TMED5: variants seen among roughly 807,000 people sequenced by gnomAD.
The protein encoded by TMED5 is transmembrane emp24 domain-containing protein 5.
TMED5 carries 27 observed loss-of-function variants against 23.0 expected under a neutral mutation model. The ratio of observed to expected loss-of-function variants is 1.17; its 90% CI spans 0.86 to 1.62. TMED5 has a LOEUF of 1.62. TMED5 is among the 40% of genes most tolerant of loss of function. The pLI, the probability that TMED5 is intolerant of heterozygous loss-of-function variation, is 0.00. For synonymous variants in TMED5, 97 were observed against 100.8 expected, an observed-to-expected ratio of 0.96 and a Z score of 0.23; for missense variants, 248 against 273.7, an observed-to-expected ratio of 0.91 and a Z score of 0.66.
chr1:93,179,961 G>A, intron 1 of TMED5, 93 bp downstream of exon 1: 1 of 1,369,774 alleles, frequency 7.3e-7, no homozygotes, highest in Non-Finnish European at 9.9e-7. Flanking sequence ...TTCACCACCA[G>A]GGCCGTCCAC....
Position 93,152,145 on chromosome 1 carries a change from C to G in TMED5, c.*2525G>C, listed in dbSNP as rs1381017817. 6.6e-6 allele frequency: 1 copy of G among 152,550 alleles called. No individual in the cohort carries two copies. The highest frequency in any genetic ancestry group is 3.2e-3 in the Middle Eastern group (1 of 316). The allele number at this position is 152,550 out of a possible 1,614,324, so 9.4% of individuals were successfully genotyped here. On this transcript the variant is annotated 3_prime_UTR_variant, in exon 4 of 4. Coordinates refer to ENST00000370282, the MANE Select transcript of TMED5 (RefSeq NM_016040.5). ...CAAACACCCTCCATGTCTTGACATT[C>G]ACATGAAAGAACAGCATAACATTAA...
rs1647988599 is a variant in TMED5 at position 93,154,618 on chromosome 1, T to G, written c.*52A>C. 7.7e-7 allele frequency: 1 copy of G among 1,299,636 alleles called. No homozygotes were observed. The highest frequency in any genetic ancestry group is 1.2e-5 in the South Asian group (1 of 82,252). The allele number at this position is 1,299,636 out of a possible 1,614,324, so 80.5% of individuals were successfully genotyped here. Reference sequence around the variant, plus strand: ...ATTAATGGTCTTGACTGTAACAGTTTATTGCATTTTTATGCCTCATTTTTC... The same window carrying G: ...ATTAATGGTCTTGACTGTAACAGTTGATTGCATTTTTATGCCTCATTTTTC... On this transcript the variant is annotated 3_prime_UTR_variant, in exon 4 of 4. Coordinates refer to ENST00000370282, the MANE Select transcript of TMED5 (RefSeq NM_016040.5).
intron 1 of TMED5, among the ~76,000 whole-genome samples, chr1:93,171,596 C>A (rs1648736799): frequency 2.0e-5 from 3 of 152,136 alleles, no homozygotes. Context: ...AGGACCAGGA[C>A]CAGACAGTTT....
chr1:93,166,295 TG>T (rs1306953540), intron 1 of TMED5, among the ~76,000 whole-genome samples: 3 of 152,248 alleles, frequency 2.0e-5, no homozygotes, highest in African/African-American at 7.2e-5. Context: ...GTGGGATTGC[TG>T]GACTATATGG....
chr1:93,176,449 A>G (rs987839380), intron 1 of TMED5, among the ~76,000 whole-genome samples: 11 of 152,178 alleles, frequency 7.2e-5, no homozygotes, highest in African/African-American at 2.6e-4. Flanking sequence ...AAATATTTTG[A>G]CATGTATTTG....
chr1:93,165,879 C>A (rs1648485102), intron 1 of TMED5, among the ~76,000 whole-genome samples: 1 of 152,170 alleles, frequency 6.6e-6, no homozygotes, highest in African/African-American at 2.4e-5. Flanking sequence ...ACCCAATAAC[C>A]ATCTCCACAC....
In TMED5 at chr1:93,150,929, AAAACAG is replaced by A. The variant is rs1647851319; in HGVS notation, c.*3735_*3740del. 1 of 152,230 alleles carries A rather than the reference AAAACAG, an allele frequency of 6.6e-6. No individual in the cohort carries two copies. The highest frequency in any genetic ancestry group is 6.5e-5 in the Admixed American group (1 of 15,282). 9.4% of individuals were successfully genotyped at this position (152,230 alleles called of 1,614,324 possible). A position where few individuals can be genotyped will look rare whatever the true frequency, so the allele number is the denominator to read the frequency against. On this transcript the variant is annotated 3_prime_UTR_variant, in exon 4 of 4. Coordinates refer to ENST00000370282, the MANE Select transcript of TMED5 (RefSeq NM_016040.5). ...GCACAATAATAAATCTAAGCTTGTT[AAAACAG>A]AAACAAAAACAACACAAGTACTAAA... is the stretch of plus-strand genomic sequence containing the variant.
rs1649279549 is a variant in TMED5 at position 93,180,169 on chromosome 1, GC to G, written c.73del (p.Ala25ArgfsTer30). 1 of 1,613,090 alleles carries G rather than the reference GC, an allele frequency of 6.2e-7. No individual in the cohort carries two copies. On this transcript the variant is annotated frameshift_variant, in exon 1 of 4. Coordinates refer to ENST00000370282, the MANE Select transcript of TMED5 (RefSeq NM_016040.5). LOFTEE classifies it high-confidence loss of function. ...AALPPVLLPG[A>X]AGFTPSLDSD... ...ATCGAGGGAAGGTGTGAAGCCGGCC[GC>G]CCCAGGCAGCAGCACCGGAGGCAGA...
At chr1:93,156,236 C>A (rs748683858) in intron 3 of TMED5, 64 bp downstream of exon 3, 4 of 1,436,528 alleles carry the variant, frequency 2.8e-6, no homozygotes, top group African/African-American at 1.4e-5. Context: ...AGTTCAGTAA[C>A]TTATTACCAT....
intron 1 of TMED5, 114 bp downstream of exon 1, chr1:93,179,940 G>T: frequency 1.7e-6 from 2 of 1,193,266 alleles, no homozygotes; most frequent in Non-Finnish European, 2.3e-6. Context: ...TTCCTGAACG[G>T]CCCTCGCCTC....
At chr1:93,165,716 ACT>A (rs1417197986) in intron 1 of TMED5, among the ~76,000 whole-genome samples, 1 of 152,174 alleles carries the variant, frequency 6.6e-6, no homozygotes, top group African/African-American at 2.4e-5. Context: ...ATCCAGTTAT[ACT>A]CTTTTAGTTA....
intron 2 of TMED5, 130 bp downstream of exon 2, chr1:93,159,999 T>G: frequency 1.8e-6 from 1 of 563,898 alleles, no homozygotes; most frequent in Non-Finnish European, 3.2e-6. Flanking sequence ...CACACTATCA[T>G]GAACTGTTTT....
chr1:93,155,381 A>G (rs930154420), intron 3 of TMED5, among the ~76,000 whole-genome samples: 3 of 152,208 alleles, frequency 2.0e-5, no homozygotes, highest in African/African-American at 7.2e-5. Context: ...TGACATATTT[A>G]TATTGTTTAT....
intron 1 of TMED5, among the ~76,000 whole-genome samples, chr1:93,170,967 G>A (rs1482711235): frequency 2.0e-5 from 3 of 151,968 alleles, no homozygotes; most frequent in Non-Finnish European, 2.9e-5. Context: ...GGCCAGATAA[G>A]AGAATTAAAG....
chr1:93,166,954 G>A (rs942462942), intron 1 of TMED5, among the ~76,000 whole-genome samples: 1 of 152,144 alleles, frequency 6.6e-6, no homozygotes, highest in African/African-American at 2.4e-5. Context: ...GTGAGAGGTA[G>A]AGATCTAGTT....
chr1:93,171,726 T>C (rs1210009275), intron 1 of TMED5, among the ~76,000 whole-genome samples: 3 of 152,208 alleles, frequency 2.0e-5, no homozygotes, highest in Non-Finnish European at 2.9e-5. Flanking sequence ...AACATTACCC[T>C]AATTCTAAAA....
rs1647899929 is a variant in TMED5, at chr1:93,152,085, T to C, written c.*2585A>G. ...TTTTTTGTCAATTTTAAGACACCAT[T>C]ATGTGTAAGAAGGATTAATTTTACC... On this transcript the variant is annotated 3_prime_UTR_variant, in exon 4 of 4. Transcript: ENST00000370282. The C allele has an allele frequency of 6.6e-6, 1 of 152,612 alleles. No homozygotes were observed. The highest frequency in any genetic ancestry group is 2.1e-4 in the South Asian group (1 of 4,834). The allele number at this position is 152,612 out of a possible 1,614,324, so 9.5% of individuals were successfully genotyped here.
At position 93,153,573 on chromosome 1, in the gene TMED5, A is replaced by G. The variant is rs911716246; in HGVS notation, c.*1097T>C. Reference sequence around the variant, plus strand: ...TGATTTATGTTATGAGTAGGATGTCATGATGAGCCAGTCAGATTCTAGATA... The same window carrying G: ...TGATTTATGTTATGAGTAGGATGTCGTGATGAGCCAGTCAGATTCTAGATA... On this transcript the variant is annotated 3_prime_UTR_variant, in exon 4 of 4. Coordinates refer to ENST00000370282, the MANE Select transcript of TMED5 (RefSeq NM_016040.5). The G allele has an allele frequency of 1.3e-5, 2 of 152,176 alleles. No homozygotes were observed. The highest frequency in any genetic ancestry group is 4.8e-5 in the African/African-American group (2 of 41,458). 9.4% of individuals were successfully genotyped at this position (152,176 alleles called of 1,614,324 possible). A position where few individuals can be genotyped will look rare whatever the true frequency, so the allele number is the denominator to read the frequency against.
rs1004960411 is a variant in TMED5 at position 93,149,957 on chromosome 1, C to T, written c.*4713G>A. ...CTTGAGCTTAGGAGTTCGAGACCAGCCTGGGCAACATGGCGAAATTAATTA... is the reference window on the plus strand; with the variant it reads ...CTTGAGCTTAGGAGTTCGAGACCAGTCTGGGCAACATGGCGAAATTAATTA... On this transcript the variant is annotated 3_prime_UTR_variant, in exon 4 of 4. Transcript: ENST00000370282. 1 of 152,108 alleles carries T rather than the reference C, an allele frequency of 6.6e-6. No individual in the cohort carries two copies. The highest frequency in any genetic ancestry group is 1.5e-5 in the Non-Finnish European group (1 of 68,038). The allele number at this position is 152,108 out of a possible 1,614,324, so 9.4% of individuals were successfully genotyped here. A position where few individuals can be genotyped will look rare whatever the true frequency, so the allele number is the denominator to read the frequency against.
Sources: allele counts gnomAD v4.1 joint callset (sites outside exome capture counted in the v4.1 genomes callset), GRCh38; gene constraint gnomAD v4.1.1; transcripts MANE v1.5; gene names NCBI Gene and HGNC (gene_info 2026-07-23, HGNC 2026-07-21).